RRM2: variants seen among roughly 807,000 people sequenced by gnomAD.
The protein encoded by RRM2 is ribonucleoside-diphosphate reductase subunit M2.
A neutral mutation model predicts 45.9 loss-of-function variants in RRM2; 6 were observed. The ratio of observed to expected loss-of-function variants is 0.13; its 90% CI spans 0.07 to 0.26. The LOEUF (loss-of-function observed/expected upper bound fraction) is 0.26. Ranked by LOEUF, RRM2 falls within the 10% of genes least tolerant of loss-of-function variation. The pLI, the probability that RRM2 is intolerant of heterozygous loss-of-function variation, is 1.00. For synonymous variants in RRM2, 177 were observed against 173.0 expected (o/e 1.02, Z -0.18); for missense variants, 343 against 489.5 (o/e 0.70, Z 2.82).
At chr2:10,200,426 G>T (rs1664527328) in intron 3 of RRM2, among the ~76,000 whole-genome samples, 1 of 138,484 alleles carries the variant, frequency 7.2e-6, no homozygotes, top group South Asian at 2.3e-4. Flanking sequence ...AGGCCCACAG[G>T]GACCGCGCGC....
intron 3 of RRM2, among the ~76,000 whole-genome samples, chr2:10,149,007 A>G (rs1663251248): frequency 6.6e-6 from 1 of 151,764 alleles, no homozygotes; most frequent in Non-Finnish European, 1.5e-5. Context: ...CCATTTCATC[A>G]TGACTTTGAA....
chr2:10,144,731 CA>C lies in RRM2; in HGVS notation n.482+2357del, dbSNP rs1289905229. 3.9e-5 allele frequency among the ~76,000 whole-genome samples: 6 copies of C among 152,058 alleles called. 1 individual carries two copies. The highest frequency in any genetic ancestry group is 3.9e-4 in the Admixed American group (6 of 15,270). On this transcript the variant is annotated intron_variant and non_coding_transcript_variant, in intron 3 of 3. Coordinates refer to the RRM2 transcript ENST00000381786. The stretch of plus-strand genomic sequence containing the variant: ...TAGAATCTAGGAGGTTGTCTTTACC[CA>C]GGGAGGGTCAGCATGTGGAGAGGGT...
At chr2:10,126,992 T>C (rs749330662) in intron 6 of RRM2, 23 bp downstream of exon 6, 4 of 1,612,842 alleles carry the variant, frequency 2.5e-6, no homozygotes, top group Non-Finnish European at 3.4e-6. Context: ...TTGCCCCTAC[T>C]TAAACCTGAG....
chr2:10,138,560 C>T (rs147530334), upstream of RRM2, among the ~76,000 whole-genome samples: 3 of 152,234 alleles, frequency 2.0e-5, no homozygotes, highest in African/African-American at 7.2e-5. Flanking sequence ...ATATTGGCCT[C>T]CCCGTGTTGG....
upstream of RRM2, among the ~76,000 whole-genome samples, chr2:10,138,564 G>A (rs1663029575): frequency 1.3e-5 from 2 of 151,898 alleles, no homozygotes; most frequent in African/African-American, 2.4e-5. Flanking sequence ...TGGCCTCCCC[G>A]TGTTGGGATT....
chr2:10,164,028 A>T (rs1337808048), intron 3 of RRM2, among the ~76,000 whole-genome samples: 2 of 148,622 alleles, frequency 1.3e-5, no homozygotes, highest in Non-Finnish European at 3.0e-5. Flanking sequence ...GTGTGTGTGC[A>T]TGAGTGTGAG....
intron 3 of RRM2, among the ~76,000 whole-genome samples, chr2:10,189,838 C>T (rs1314355640): frequency 6.6e-6 from 1 of 152,268 alleles, no homozygotes; most frequent in African/African-American, 2.4e-5. Flanking sequence ...ATCTTGACAT[C>T]TCCAGTTCCT....
At chr2:10,163,210 G>A (rs1663605202) in intron 3 of RRM2, among the ~76,000 whole-genome samples, 1 of 152,218 alleles carries the variant, frequency 6.6e-6, no homozygotes, top group South Asian at 2.1e-4. Context: ...CTCTTGGAAA[G>A]AAATCAGGAC....
intron 3 of RRM2, among the ~76,000 whole-genome samples, chr2:10,209,590 T>C (rs540900618): frequency 0.01 from 1,443 of 138,144 alleles, 18 homozygotes; most frequent in African/African-American, 0.034. Flanking sequence ...TGTGTGTGTG[T>C]GCGCGCGCGT....
chr2:10,186,444 C>T (rs534793333), intron 3 of RRM2, among the ~76,000 whole-genome samples: 9 of 152,002 alleles, frequency 5.9e-5, no homozygotes, highest in South Asian at 4.2e-4. Flanking sequence ...CGTGAGCCAC[C>T]GTGCCCGGCC....
chr2:10,173,673 C>A (rs538626046), intron 3 of RRM2, among the ~76,000 whole-genome samples: 1 of 152,380 alleles, frequency 6.6e-6, no homozygotes, highest in South Asian at 2.1e-4. Context: ...TCCGCGGGCA[C>A]CCCCGATGCA....
chr2:10,184,595 G>A (rs1447025429), intron 3 of RRM2, among the ~76,000 whole-genome samples: 2 of 152,252 alleles, frequency 1.3e-5, no homozygotes, highest in Non-Finnish European at 2.9e-5. Flanking sequence ...GGCAGCACCC[G>A]CCTGGCATGG....
At chr2:10,150,174 G>T (rs528282800) in intron 3 of RRM2, among the ~76,000 whole-genome samples, 10 of 152,298 alleles carry the variant, frequency 6.6e-5, no homozygotes, top group African/African-American at 2.4e-4. Flanking sequence ...TTAGCCGGGC[G>T]TGGTGGTGCA....
intron 3 of RRM2, among the ~76,000 whole-genome samples, chr2:10,203,547 G>C (rs1041369060): frequency 6.6e-6 from 1 of 152,074 alleles, no homozygotes; most frequent in Admixed American, 6.6e-5. Context: ...TCAGGAGTTC[G>C]AGCCCAGCCT....
rs1262433045 is a variant in RRM2, at chr2:10,123,796, A to G, written c.379A>G (p.Ile127Val). The G allele has an allele frequency of 5.0e-6, 8 of 1,613,316 alleles. No individual in the cohort carries two copies. Among genetic ancestry groups the G allele is most frequent in the Non-Finnish European group, 6.8e-6 (8 of 1,179,206 alleles). ...ESLKPEERYF[I>V]SHVLAFFAAS... The stretch of plus-strand genomic sequence containing the variant: ...CCTGAAACCCGAGGAGAGATATTTT[A>G]TATCCCATGTTCTGGCTTTCTTTGC... The change falls in exon 4 of 10, where the codon ATA (isoleucine) becomes GTA (valine). Residue 127 changes from isoleucine (I) to valine (V), a missense_variant. This residue lies in a region of RRM2 where 212 missense variants were observed against 368.1 expected (regional missense o/e 0.58). Coordinates refer to ENST00000304567, the MANE Select transcript of RRM2 (RefSeq NM_001034.4).
chr2:10,193,289 A>G (rs1039540252), intron 3 of RRM2, among the ~76,000 whole-genome samples: 1 of 152,096 alleles, frequency 6.6e-6, no homozygotes, highest in African/African-American at 2.4e-5. Context: ...AGAGGTTGGA[A>G]TGTTCCTGTG....
In RRM2 at chr2:10,185,282, AG is replaced by A. The variant is rs1664140721; in HGVS notation, n.483-25028del. ...AAGCGAGACAGAGCGTGAGAGTGAGAGAGAGAGAGAGAGGCAGGAGAGGCTG... is the reference window on the plus strand; with the variant it reads ...AAGCGAGACAGAGCGTGAGAGTGAGAAGAGAGAGAGAGGCAGGAGAGGCTG... On this transcript the variant is annotated intron_variant and non_coding_transcript_variant, in intron 3 of 3. Coordinates refer to the RRM2 transcript ENST00000381786. This position sits in a 1 kb window ranked among gnomAD's most constrained non-coding sequence, Gnocchi z 4.3. 2.6e-5 allele frequency among the ~76,000 whole-genome samples: 4 copies of A among 151,030 alleles called. No homozygotes were observed. In the South Asian group the frequency reaches 8.3e-4, roughly 31 times the overall value.
Position 10,171,410 on chromosome 2 carries a change from C to T in RRM2, n.482+29035C>T, listed in dbSNP as rs1333811723. Among the ~76,000 whole-genome samples the T allele has an allele frequency of 2.0e-5, 3 of 152,218 alleles. No homozygotes were observed. Among genetic ancestry groups the T allele is most frequent in the Non-Finnish European group, 2.9e-5 (2 of 68,032 alleles). ...TGGCTGCTGCTGTTGTCTGCATCTC[C>T]CGCCTTCCTCCTGAGCCGTGCTTCC... On this transcript the variant is annotated intron_variant and non_coding_transcript_variant, in intron 3 of 3. Transcript: ENST00000381786. This position sits in a 1 kb window ranked among gnomAD's most constrained non-coding sequence, Gnocchi z 4.1.
chr2:10,162,024 C>T (rs532221453), intron 3 of RRM2, among the ~76,000 whole-genome samples: 4 of 152,374 alleles, frequency 2.6e-5, no homozygotes, highest in African/African-American at 7.2e-5. Flanking sequence ...CCGAGGCTTG[C>T]GCCTGGCTGC....
Sources: allele counts gnomAD v4.1 joint callset (sites outside exome capture counted in the v4.1 genomes callset), GRCh38; gene constraint gnomAD v4.1.1; regional missense constraint gnomAD v4.1.1; non-coding constraint Gnocchi (gnomAD v3.1); transcripts MANE v1.5; gene names NCBI Gene and HGNC (gene_info 2026-07-23, HGNC 2026-07-21).